Variants in CTNNA1 observed in about 807,000 individuals in gnomAD.
CTNNA1 encodes the protein catenin alpha-1.
CTNNA1 carries 37 observed loss-of-function variants against 98.4 expected under a neutral mutation model. That is an observed-to-expected ratio of 0.38 (90% CI 0.29 to 0.49). The LOEUF (loss-of-function observed/expected upper bound fraction) is 0.49. Among genes scored for constraint, CTNNA1 ranks in the 20% least tolerant of loss-of-function variants. The pLI, the probability that CTNNA1 is intolerant of heterozygous loss-of-function variation, is 0.95. For missense variants in CTNNA1, 761 were observed against 1,147.2 expected (o/e 0.66, Z 4.86); for synonymous variants, 404 against 413.2 (o/e 0.98, Z 0.27).
intron 7 of CTNNA1, among the ~76,000 whole-genome samples, chr5:138,862,722 G>C (rs1764403730): frequency 6.6e-6 from 1 of 152,136 alleles, no homozygotes; most frequent in Admixed American, 6.5e-5. Context: ...ATCAATATTA[G>C]ATGTAAAAAG....
At chr5:138,884,502 A>G (rs1753601056) in intron 7 of CTNNA1, among the ~76,000 whole-genome samples, 1 of 152,236 alleles carries the variant, frequency 6.6e-6, no homozygotes, top group African/African-American at 2.4e-5. Flanking sequence ...TTGCAGGGCC[A>G]TTTCAAAATA....
chr5:138,787,476 G>C (rs1755837320), intron 3 of CTNNA1, among the ~76,000 whole-genome samples: 1 of 152,152 alleles, frequency 6.6e-6, no homozygotes, highest in Non-Finnish European at 1.5e-5. Flanking sequence ...GTTGATTTGG[G>C]AAGCAGCTAT....
chr5:138,814,899 G>A (rs1488542945), intron 5 of CTNNA1, among the ~76,000 whole-genome samples: 2 of 151,822 alleles, frequency 1.3e-5, no homozygotes, highest in African/African-American at 2.4e-5. Flanking sequence ...GACTATAAGC[G>A]CCTGTCACCA....
At chr5:138,923,473 A>T (rs1286108482) in intron 11 of CTNNA1, among the ~76,000 whole-genome samples, 1 of 152,072 alleles carries the variant, frequency 6.6e-6, no homozygotes, top group African/African-American at 2.4e-5. Context: ...TCCCTTCTCT[A>T]ATAAGAATTC....
At chr5:138,853,441 C>T (rs986951489) in intron 7 of CTNNA1, among the ~76,000 whole-genome samples, 6 of 151,248 alleles carry the variant, frequency 4.0e-5, no homozygotes, top group Non-Finnish European at 8.8e-5. Flanking sequence ...TTTGACATTG[C>T]GTGTGTTTTC....
chr5:138,923,525 GTTTTGGCTTTTGTTTT>G (rs1225240049), intron 11 of CTNNA1, among the ~76,000 whole-genome samples: 3 of 151,894 alleles, frequency 2.0e-5, no homozygotes, highest in Non-Finnish European at 4.4e-5. Context: ...TTTTTTGTTT[GTTTTGGCTTTTGTTTT>G]TGAGACAGAG....
At chr5:138,812,161 T>TG (rs1161104617) in intron 4 of CTNNA1, 22 bp from the exon 5 acceptor site, 3 of 1,606,596 alleles carry the variant, frequency 1.9e-6, no homozygotes, top group Non-Finnish European at 2.5e-6. Context: ...TTTTGGGTTT[T>TG]GGGGTCTTTC....
intron 1 of CTNNA1, among the ~76,000 whole-genome samples, chr5:138,771,093 T>C (rs1228183547): frequency 6.6e-6 from 1 of 152,188 alleles, no homozygotes; most frequent in African/African-American, 2.4e-5. Flanking sequence ...TATGCCATTA[T>C]TGCAATGAAG....
At chr5:138,826,752 T>G (rs1177588700) in intron 6 of CTNNA1, among the ~76,000 whole-genome samples, 1 of 152,238 alleles carries the variant, frequency 6.6e-6, no homozygotes, top group African/African-American at 2.4e-5. Flanking sequence ...TAAATGCATT[T>G]CTTTCTGAAA....
intron 7 of CTNNA1, among the ~76,000 whole-genome samples, chr5:138,877,191 A>AG (rs1751773569): frequency 6.6e-6 from 1 of 152,206 alleles, no homozygotes; most frequent in Non-Finnish European, 1.5e-5. Context: ...GTCCTGGTTT[A>AG]GACCCGGGGA....
chr5:138,815,607 T>G (rs149203218), intron 5 of CTNNA1, among the ~76,000 whole-genome samples: 1 of 152,312 alleles, frequency 6.6e-6, no homozygotes, highest in East Asian at 1.9e-4. Context: ...GCTTTGTAGT[T>G]TTTCTGTATT....
chr5:138,925,504 A>G, intron 13 of CTNNA1, 97 bp downstream of exon 13: 1 of 1,461,432 alleles, frequency 6.8e-7, no homozygotes, highest in Non-Finnish European at 9.2e-7. Flanking sequence ...ATGCGGTGGC[A>G]GTATATTAAA....
At chr5:138,865,104 T>G (rs1764633731) in intron 7 of CTNNA1, among the ~76,000 whole-genome samples, 1 of 152,066 alleles carries the variant, frequency 6.6e-6, no homozygotes, top group Non-Finnish European at 1.5e-5. Flanking sequence ...GAGCCACCGC[T>G]CCCGGCCGGA....
intron 16 of CTNNA1, chr5:138,931,610 A>T (rs1765351699): frequency 7.1e-6 from 7 of 985,292 alleles, no homozygotes; most frequent in Non-Finnish European, 8.4e-6. Flanking sequence ...GGCCAAATGT[A>T]TCTTGACACA....
At chr5:138,781,548 C>G (rs1249306084) in intron 1 of CTNNA1, among the ~76,000 whole-genome samples, 1 of 109,640 alleles carries the variant, frequency 9.1e-6, no homozygotes, top group Non-Finnish European at 1.8e-5. Context: ...GAGCAAGACT[C>G]TGTCTCAAAA....
intron 7 of CTNNA1, among the ~76,000 whole-genome samples, chr5:138,867,618 A>T (rs900408456): frequency 1.3e-5 from 2 of 152,168 alleles, no homozygotes; most frequent in Non-Finnish European, 2.9e-5. Flanking sequence ...AGACAGTAAG[A>T]CTGACTCCTT....
rs574481555 is a variant in CTNNA1 at position 138,809,975 on chromosome 5, A to G, written c.302-63A>G. 46 of 1,511,236 alleles carry G rather than the reference A, an allele frequency of 3.0e-5. No individual in the cohort carries two copies. In the African/African-American group the frequency reaches 5.9e-4, roughly 20 times the overall value. The allele number at this position is 1,511,236 out of a possible 1,614,324, so 93.6% of individuals were successfully genotyped here. On this transcript the variant is annotated intron_variant, in intron 3 of 17. Coordinates refer to ENST00000302763, the MANE Select transcript of CTNNA1 (RefSeq NM_001903.5). Reference sequence around the variant, plus strand: ...AAGTTTGGATTATTTTTATATTTTTAAAAATGTAGATCAGTTATTTGAGTT... The same window carrying G: ...AAGTTTGGATTATTTTTATATTTTTGAAAATGTAGATCAGTTATTTGAGTT...
chr5:138,875,259 G>T (rs28363439), intron 7 of CTNNA1: 124 of 371,174 alleles, frequency 3.3e-4, no homozygotes, highest in African/African-American at 2.6e-3. Flanking sequence ...CAGATGGGTG[G>T]CTTGTTGCAG....
At chr5:138,904,218 C>A in intron 9 of CTNNA1, 131 bp from the exon 10 acceptor site, 1 of 1,084,466 alleles carries the variant, frequency 9.2e-7, no homozygotes, top group Non-Finnish European at 1.3e-6. Context: ...AATAATCAGG[C>A]TGTGAGAAGG....
Sources: allele counts gnomAD v4.1 joint callset (sites outside exome capture counted in the v4.1 genomes callset), GRCh38; gene constraint gnomAD v4.1.1; transcripts MANE v1.5; gene names NCBI Gene and HGNC (gene_info 2026-07-23, HGNC 2026-07-21).